FHIT: variants seen among roughly 807,000 people sequenced by gnomAD.
FHIT encodes the protein fragile histidine triad diadenosine triphosphatase.
FHIT carries 19 observed loss-of-function variants against 17.9 expected under a neutral mutation model. The observed-to-expected ratio is 1.06, with a 90% CI of 0.74 to 1.56. The LOEUF (loss-of-function observed/expected upper bound fraction) is 1.56. Among genes scored for constraint, FHIT ranks in the 40% most tolerant of loss-of-function variants. FHIT has a pLI of 0.00. For missense variants in FHIT, 248 were observed against 189.2 expected, an observed-to-expected ratio of 1.31 and a Z score of -1.82; for synonymous variants, 81 against 69.7, an observed-to-expected ratio of 1.16 and a Z score of -0.81.
chr3:60,000,451 T>C (rs1387106206), intron 7 of FHIT, among the ~76,000 whole-genome samples: 1 of 152,196 alleles, frequency 6.6e-6, no homozygotes, highest in Non-Finnish European at 1.5e-5. Context: ...AAAGACCATC[T>C]GGCCCTCACA....
At chr3:59,873,240 C>T (rs1287501946) in intron 8 of FHIT, among the ~76,000 whole-genome samples, 1 of 152,184 alleles carries the variant, frequency 6.6e-6, no homozygotes, top group African/African-American at 2.4e-5. Flanking sequence ...CTTACCTCCA[C>T]ATTCAAATCT....
At chr3:60,077,002 C>T (rs922650242) in intron 5 of FHIT, among the ~76,000 whole-genome samples, 1 of 151,916 alleles carries the variant, frequency 6.6e-6, no homozygotes, top group East Asian at 1.9e-4. Context: ...TATTTATGTG[C>T]TAATAATCTA....
chr3:60,016,727 T>A (rs1200899104), intron 5 of FHIT, among the ~76,000 whole-genome samples: 1 of 152,162 alleles, frequency 6.6e-6, no homozygotes, highest in Non-Finnish European at 1.5e-5. Flanking sequence ...AACTTTTCCA[T>A]CTCATTTTAC....
At chr3:61,193,268 C>G (rs1413568293) in intron 2 of FHIT, among the ~76,000 whole-genome samples, 4 of 152,152 alleles carry the variant, frequency 2.6e-5, no homozygotes, top group Non-Finnish European at 4.4e-5. Flanking sequence ...GAAGCTGGAG[C>G]AGTTCCTTAA....
At chr3:61,073,660 A>G (rs757618591) in intron 2 of FHIT, among the ~76,000 whole-genome samples, 1 of 152,172 alleles carries the variant, frequency 6.6e-6, no homozygotes, top group Non-Finnish European at 1.5e-5. Flanking sequence ...GGGTTTGTGC[A>G]TTTTCCTTTT....
chr3:60,272,577 AC>A (rs1304577411), intron 5 of FHIT, among the ~76,000 whole-genome samples: 1 of 152,176 alleles, frequency 6.6e-6, no homozygotes, highest in Non-Finnish European at 1.5e-5. Flanking sequence ...AGGGGGACAA[AC>A]CGAGGACTCC....
chr3:60,048,208 A>AC (rs1430390591), intron 5 of FHIT, among the ~76,000 whole-genome samples: 2 of 151,928 alleles, frequency 1.3e-5, no homozygotes, highest in Non-Finnish European at 2.9e-5. Context: ...ACAGAGTCTC[A>AC]CTCTGCTGTC....
intron 5 of FHIT, among the ~76,000 whole-genome samples, chr3:60,159,283 G>C (rs1314840882): frequency 6.6e-6 from 1 of 151,994 alleles, no homozygotes; most frequent in African/African-American, 2.4e-5. Context: ...ACCACACCCA[G>C]CTAATTTTTG....
intron 4 of FHIT, among the ~76,000 whole-genome samples, chr3:60,706,156 C>T (rs1431344250): frequency 6.7e-6 from 1 of 148,850 alleles, no homozygotes; most frequent in African/African-American, 2.5e-5. Context: ...GAAAACCAGA[C>T]AGCGTATGTT....
chr3:60,134,602 C>G (rs887447565), intron 5 of FHIT, among the ~76,000 whole-genome samples: 27 of 152,274 alleles, frequency 1.8e-4, no homozygotes, highest in African/African-American at 6.5e-4. Context: ...CAGTCAAGCT[C>G]AACCTAGATT....
At chr3:60,078,352 C>A (rs1476654477) in intron 5 of FHIT, among the ~76,000 whole-genome samples, 2 of 152,084 alleles carry the variant, frequency 1.3e-5, no homozygotes, top group African/African-American at 4.8e-5. Flanking sequence ...TATAATACTA[C>A]CTCTGTAGGA....
At chr3:60,866,000 G>A (rs968718265) in intron 3 of FHIT, among the ~76,000 whole-genome samples, 54 of 152,140 alleles carry the variant, frequency 3.5e-4, no homozygotes, top group African/African-American at 1.3e-3. Context: ...GTGACTCGGG[G>A]AAGCATTCAA....
chr3:59,858,493 T>A (rs1702271742), intron 8 of FHIT, among the ~76,000 whole-genome samples: 1 of 152,100 alleles, frequency 6.6e-6, no homozygotes, highest in African/African-American at 2.4e-5. Context: ...CCCAAAGTGC[T>A]GGGATTACAG....
At chr3:60,612,840 C>A (rs556774533) in intron 4 of FHIT, among the ~76,000 whole-genome samples, 2 of 152,290 alleles carry the variant, frequency 1.3e-5, no homozygotes, top group East Asian at 3.9e-4. Flanking sequence ...TAACAGAATC[C>A]TTCCCACTAT....
intron 2 of FHIT, among the ~76,000 whole-genome samples, chr3:61,153,107 T>C: frequency 1.4e-5 from 2 of 142,386 alleles, no homozygotes; most frequent in African/African-American, 5.3e-5. Context: ...CACGCTACTG[T>C]ACTCCAGCCT....
At chr3:59,762,100 T>C (rs1001880495) in intron 8 of FHIT, among the ~76,000 whole-genome samples, 3 of 152,264 alleles carry the variant, frequency 2.0e-5, no homozygotes, top group African/African-American at 7.2e-5. Context: ...GTAACAGAGA[T>C]GGCTACTCAG....
At chr3:60,443,490 T>G (rs539480937) in intron 5 of FHIT, among the ~76,000 whole-genome samples, 7 of 152,352 alleles carry the variant, frequency 4.6e-5, no homozygotes, top group Admixed American at 2.0e-4. Flanking sequence ...GAAGGGCTGT[T>G]GAATTTTATC....
At chr3:60,775,330 A>G (rs1553724208) in intron 4 of FHIT, among the ~76,000 whole-genome samples, 1 of 152,162 alleles carries the variant, frequency 6.6e-6, no homozygotes, top group Non-Finnish European at 1.5e-5. Context: ...GGTCCCCAGA[A>G]GACCTCCAAC....
chr3:60,250,943 T>C (rs1267470585), intron 5 of FHIT, among the ~76,000 whole-genome samples: 1 of 152,062 alleles, frequency 6.6e-6, no homozygotes, highest in Non-Finnish European at 1.5e-5. Context: ...ATTGTCTGAG[T>C]GGGTGATCAA....
Sources: allele counts gnomAD v4.1 joint callset (sites outside exome capture counted in the v4.1 genomes callset), GRCh38; gene constraint gnomAD v4.1.1; transcripts MANE v1.5; gene names NCBI Gene and HGNC (gene_info 2026-07-23, HGNC 2026-07-21).